COL8A1: variants seen among roughly 807,000 people sequenced by gnomAD.
The protein encoded by COL8A1 is collagen alpha-1(VIII) chain.
COL8A1 carries 21 observed loss-of-function variants against 42.7 expected under a neutral mutation model. The ratio of observed to expected loss-of-function variants is 0.49; its 90% confidence interval spans 0.35 to 0.71. The LOEUF (loss-of-function observed/expected upper bound fraction) is 0.71, where lower values mean the gene tolerates loss of function less well. Among genes scored for constraint, COL8A1 ranks in the 30% least tolerant of loss-of-function variants. COL8A1 has a pLI of 0.01. For missense variants in COL8A1, 788 were observed against 962.4 expected (o/e 0.82, Z 2.40); for synonymous variants, 367 against 369.1 (o/e 0.99, Z 0.06).
intron 1 of COL8A1, among the ~76,000 whole-genome samples, chr3:99,729,419 G>A (rs1368445864): frequency 6.6e-6 from 1 of 151,748 alleles, no homozygotes; most frequent in Non-Finnish European, 1.5e-5. Context: ...TTTGAACTTT[G>A]AAACCATTAA....
chr3:99,750,059 T>TTTTTTTTTTTTTTTTTTTG (rs1941112100), intron 2 of COL8A1, among the ~76,000 whole-genome samples: 1 of 136,328 alleles, frequency 7.3e-6, no homozygotes, highest in Non-Finnish European at 1.6e-5. Flanking sequence ...CTTTTTTTTT[T>TTTTTTTTTTTTTTTTTTTG]TTTTTTTTTT....
intron 1 of COL8A1, among the ~76,000 whole-genome samples, chr3:99,639,752 T>A (rs1937469022): frequency 6.6e-6 from 1 of 152,190 alleles, no homozygotes; most frequent in African/African-American, 2.4e-5. Flanking sequence ...TGAAACTCTC[T>A]CAAGTGGGAG....
In COL8A1 at chr3:99,794,592, C is replaced by G; in HGVS notation, c.691C>G (p.Pro231Ala). ...PKGDRGPKGL[P>A]GPQGLRGPKG... ...GGGTGATCGAGGACCCAAAGGACTA[C>G]CAGGACCTCAAGGCCTTCGGGGTCC... The change falls in exon 4 of 4, where the codon CCA becomes GCA. Residue 231 changes from proline (P) to alanine (A), a missense_variant. Pro to Ala is a conservative substitution (Grantham distance 27, BLOSUM62 -1). This residue lies in a region of COL8A1 where 421 missense variants were observed against 553.1 expected (regional missense o/e 0.76). Transcript: ENST00000652472. This position sits in a 1 kb window ranked among gnomAD's most constrained non-coding sequence, Gnocchi z 4.3. 6.2e-7 allele frequency: 1 copy of G among 1,613,546 alleles called. No individual in the cohort carries two copies. The highest frequency in any genetic ancestry group is 1.1e-5 in the South Asian group (1 of 91,052).
chr3:99,712,090 T>C (rs1020552351), intron 1 of COL8A1, among the ~76,000 whole-genome samples: 1 of 152,154 alleles, frequency 6.6e-6, no homozygotes. Flanking sequence ...AATAAAGTCA[T>C]ACTTTGAAAT....
intron 1 of COL8A1, among the ~76,000 whole-genome samples, chr3:99,686,401 G>A (rs1457393301): frequency 1.3e-5 from 2 of 152,192 alleles, no homozygotes; most frequent in Non-Finnish European, 2.9e-5. Context: ...ATTTCAGAGA[G>A]AGTAAATTTA....
intron 1 of COL8A1, among the ~76,000 whole-genome samples, chr3:99,725,286 C>A (rs1013668575): frequency 6.6e-6 from 1 of 152,016 alleles, no homozygotes; most frequent in Non-Finnish European, 1.5e-5. Flanking sequence ...TAAGAAAGTT[C>A]TTCTCTTAGC....
rs1043667796 is a variant in COL8A1, at chr3:99,658,669, A to G, written c.-129+20005A>G. Among the ~76,000 whole-genome samples the G allele has an allele frequency of 3.9e-5, 6 of 152,354 alleles. No individual in the cohort carries two copies. In the East Asian group the frequency reaches 9.6e-4, roughly 24 times the overall value. ...GATAACAAATGATATTCAGAGAAGCAGATATCAGAGACAAACTGGCAGATA... is the reference window on the plus strand; with the variant it reads ...GATAACAAATGATATTCAGAGAAGCGGATATCAGAGACAAACTGGCAGATA... On this transcript the variant is annotated intron_variant, in intron 1 of 3. Coordinates refer to ENST00000652472, the MANE Select transcript of COL8A1 (RefSeq NM_020351.4).
At chr3:99,733,025 C>T (rs950407745) in intron 1 of COL8A1, among the ~76,000 whole-genome samples, 11 of 151,944 alleles carry the variant, frequency 7.2e-5, no homozygotes, top group East Asian at 1.9e-4. Context: ...GTCTCATATC[C>T]GGGTCATGCC....
At chr3:99,666,722 G>T (rs1233328843) in intron 1 of COL8A1, among the ~76,000 whole-genome samples, 2 of 152,032 alleles carry the variant, frequency 1.3e-5, no homozygotes, top group Non-Finnish European at 2.9e-5. Flanking sequence ...TCCTTCCTTT[G>T]TTCCCTCACT....
chr3:99,780,085 C>T (rs1473541108), intron 2 of COL8A1, among the ~76,000 whole-genome samples: 1 of 152,146 alleles, frequency 6.6e-6, no homozygotes, highest in Admixed American at 6.5e-5. Flanking sequence ...CCACCACCAC[C>T]CCTGTTTTCT....
chr3:99,734,967 A>G (rs932759714), intron 1 of COL8A1, among the ~76,000 whole-genome samples: 12 of 152,116 alleles, frequency 7.9e-5, no homozygotes, highest in African/African-American at 2.9e-4. Flanking sequence ...CTGTTGCTGT[A>G]TAAGAATGCT....
intron 1 of COL8A1, among the ~76,000 whole-genome samples, chr3:99,692,857 C>A (rs142836245): frequency 1.3e-5 from 2 of 152,190 alleles, no homozygotes; most frequent in Non-Finnish European, 2.9e-5. Context: ...GCACTGCCAG[C>A]GGTATAAAAG....
chr3:99,795,491 T>C lies in COL8A1; in HGVS notation c.1590T>C (p.Pro530=). ...GCCTCCCAGGGCCCCCTGGGTTCCC[T>C]GGTATAGGGAAACCCGGAGTGGCAG... The part of the protein sequence containing the change: ...EPGLPGPPGF[P]GIGKPGVAGL... Residue 530 remains proline (P), a synonymous_variant, in exon 4 of 4, where the codon CCT becomes CCC. Coordinates refer to ENST00000652472, the MANE Select transcript of COL8A1 (RefSeq NM_020351.4). 6.4e-7 allele frequency: 1 copy of C among 1,566,452 alleles called. No individual in the cohort carries two copies. Among genetic ancestry groups the C allele is most frequent in the Non-Finnish European group, 8.7e-7 (1 of 1,154,680 alleles).
chr3:99,720,530 C>A (rs577109664), intron 1 of COL8A1, among the ~76,000 whole-genome samples: 2 of 151,906 alleles, frequency 1.3e-5, no homozygotes, highest in African/African-American at 4.8e-5. Context: ...GAATTCAAGG[C>A]GATAACATTA....
Position 99,794,255 on chromosome 3 carries a change from G to A in COL8A1, c.354G>A (p.Gly118=), listed in dbSNP as rs780942267. Residue 118 remains glycine, a synonymous_variant, in exon 4 of 4, where the codon GGG becomes GGA. Coordinates refer to ENST00000652472, the MANE Select transcript of COL8A1 (RefSeq NM_020351.4). This position sits in a 1 kb window ranked among gnomAD's most constrained non-coding sequence, Gnocchi z 4.3. Reference sequence around the variant, plus strand: ...AAATACCATTAGCCAGTTTACGAGGGGAACAAGGTCCCCGTGGAGAGCCTG... The same window carrying A: ...AAATACCATTAGCCAGTTTACGAGGAGAACAAGGTCCCCGTGGAGAGCCTG... ...GKEIPLASLR[G]EQGPRGEPGP... The A allele has an allele frequency of 2.0e-5, 32 of 1,593,922 alleles. No homozygotes were observed. The highest frequency in any genetic ancestry group is 2.4e-5 in the Non-Finnish European group (28 of 1,171,276).
chr3:99,719,832 G>A (rs1186287226), intron 1 of COL8A1, among the ~76,000 whole-genome samples: 1 of 152,224 alleles, frequency 6.6e-6, no homozygotes, highest in South Asian at 2.1e-4. Context: ...CCTGGACTTA[G>A]ATTCTAACAG....
intron 2 of COL8A1, among the ~76,000 whole-genome samples, chr3:99,769,777 G>C (rs531627196): frequency 6.6e-6 from 1 of 152,166 alleles, no homozygotes; most frequent in Admixed American, 6.5e-5. Context: ...AAATTAGCTG[G>C]GTGTGGTGGT....
At chr3:99,718,967 A>G (rs983996078) in intron 1 of COL8A1, among the ~76,000 whole-genome samples, 11 of 152,020 alleles carry the variant, frequency 7.2e-5, no homozygotes, top group African/African-American at 2.7e-4. Flanking sequence ...AAAATAATAA[A>G]AACGTTAAGA....
At chr3:99,664,153 A>G (rs762081953) in intron 1 of COL8A1, among the ~76,000 whole-genome samples, 2 of 152,236 alleles carry the variant, frequency 1.3e-5, no homozygotes, top group Admixed American at 1.3e-4. Context: ...GTGCAACTAT[A>G]CAATTGTTTG....
Sources: allele counts gnomAD v4.1 joint callset (sites outside exome capture counted in the v4.1 genomes callset), GRCh38; gene constraint gnomAD v4.1.1; regional missense constraint gnomAD v4.1.1; non-coding constraint Gnocchi (gnomAD v3.1); transcripts MANE v1.5; gene names NCBI Gene and HGNC (gene_info 2026-07-23, HGNC 2026-07-21).